Variants in ACOXL observed in about 807,000 individuals in gnomAD.
The protein encoded by ACOXL is acyl-coenzyme A oxidase-like protein.
Under a neutral mutation model 71.9 loss-of-function variants are expected in ACOXL, and 70 were observed. The ratio of observed to expected loss-of-function variants is 0.97; its 90% CI spans 0.80 to 1.19. ACOXL has a LOEUF of 1.19. Among genes scored for constraint, ACOXL ranks in the 50% most tolerant of loss-of-function variants. ACOXL has a pLI of 0.00. For synonymous variants in ACOXL, 253 were observed against 281.6 expected, an observed-to-expected ratio of 0.90 and a Z score of 1.02; for missense variants, 703 against 736.3, an observed-to-expected ratio of 0.95 and a Z score of 0.52.
At chr2:110,851,830 G>A (rs1005790492) in intron 10 of ACOXL, among the ~76,000 whole-genome samples, 4 of 152,188 alleles carry the variant, frequency 2.6e-5, no homozygotes, top group Admixed American at 1.3e-4. Context: ...CCAGAGATCC[G>A]GGAAATGGGG....
chr2:110,765,709 G>T (rs1680964291), intron 1 of ACOXL, among the ~76,000 whole-genome samples: 1 of 152,180 alleles, frequency 6.6e-6, no homozygotes, highest in Admixed American at 6.5e-5. Context: ...GAAGGAGCAA[G>T]GCAGGTCTCT....
chr2:111,109,068 G>A (rs1243129233), intron 17 of ACOXL, among the ~76,000 whole-genome samples: 1 of 152,120 alleles, frequency 6.6e-6, no homozygotes, highest in Non-Finnish European at 1.5e-5. Context: ...CCAGGAACTG[G>A]CCTTGTTACC....
At chr2:110,887,782 G>A (rs1401024186) in intron 10 of ACOXL, 2 of 152,160 alleles carry the variant, frequency 1.3e-5, no homozygotes, top group Non-Finnish European at 1.5e-5. Flanking sequence ...TTACCCTAAA[G>A]TGTGTGTTGC....
chr2:110,801,839 AC>A lies in ACOXL; in HGVS notation c.620+118del. 7.4e-6 allele frequency: 6 copies of A among 813,320 alleles called. No homozygotes were observed. In the South Asian group the frequency reaches 7.8e-5, roughly 11 times the overall value. 50.4% of individuals were successfully genotyped at this position (813,320 alleles called of 1,614,324 possible). A position where few individuals can be genotyped will look rare whatever the true frequency, so the allele number is the denominator to read the frequency against. ...ATGTCTGGGCATTCTTCCCCTAACCACCCGTACAGGTTTGTTGACAACTAAT... is the reference window on the plus strand; with the variant it reads ...ATGTCTGGGCATTCTTCCCCTAACCACCGTACAGGTTTGTTGACAACTAAT... On this transcript the variant is annotated intron_variant, in intron 8 of 17. Coordinates refer to ENST00000439055, the MANE Select transcript of ACOXL (RefSeq NM_001142807.4).
intron 12 of ACOXL, among the ~76,000 whole-genome samples, chr2:110,967,266 C>T (rs1243870103): frequency 1.3e-5 from 2 of 151,980 alleles, no homozygotes; most frequent in Admixed American, 1.3e-4. Context: ...TGCAGTCTGA[C>T]CCCAATAATA....
chr2:110,910,527 C>T (rs983620434), intron 11 of ACOXL, among the ~76,000 whole-genome samples: 1 of 152,124 alleles, frequency 6.6e-6, no homozygotes, highest in African/African-American at 2.4e-5. Context: ...TAAGAAATTG[C>T]CAGTTTTTCA....
intron 13 of ACOXL, 59 bp downstream of exon 13, chr2:110,987,276 T>C: frequency 6.9e-7 from 1 of 1,455,294 alleles, no homozygotes; most frequent in Non-Finnish European, 9.4e-7. Context: ...AAGCCTGAGT[T>C]CATACAGCCT....
chr2:111,005,140 A>G (rs368148844), intron 14 of ACOXL, among the ~76,000 whole-genome samples: 4 of 152,332 alleles, frequency 2.6e-5, no homozygotes, highest in Admixed American at 1.3e-4. Context: ...TTTCTCTCTC[A>G]TCACCTGTGG....
chr2:110,886,979 T>C, intron 10 of ACOXL: 1 of 1,107,178 alleles, frequency 9.0e-7, no homozygotes, highest in Non-Finnish European at 1.3e-6. Context: ...CCAAACTTTT[T>C]ATCTGAGAAT....
intron 14 of ACOXL, among the ~76,000 whole-genome samples, chr2:111,010,966 G>T (rs1053323859): frequency 6.6e-6 from 1 of 152,102 alleles, no homozygotes; most frequent in African/African-American, 2.4e-5. Flanking sequence ...CAAAATGAAA[G>T]TAAATGGAAA....
intron 11 of ACOXL, among the ~76,000 whole-genome samples, chr2:110,926,824 C>G (rs557272563): frequency 1.3e-5 from 2 of 152,238 alleles, no homozygotes; most frequent in South Asian, 2.1e-4. Context: ...CACTCTCTCC[C>G]CATTCAGCCT....
At chr2:110,993,096 A>G (rs2063245397) in intron 13 of ACOXL, among the ~76,000 whole-genome samples, 1 of 152,210 alleles carries the variant, frequency 6.6e-6, no homozygotes, top group Non-Finnish European at 1.5e-5. Flanking sequence ...GCACATTTCT[A>G]AATAATTTAG....
chr2:110,938,326 C>T (rs528675880), intron 12 of ACOXL, among the ~76,000 whole-genome samples: 5 of 152,238 alleles, frequency 3.3e-5, no homozygotes, highest in Admixed American at 3.3e-4. Flanking sequence ...GGAACCAGAC[C>T]TAGAGAAGGC....
At chr2:111,001,927 A>G (rs2063653180) in intron 14 of ACOXL, among the ~76,000 whole-genome samples, 1 of 152,218 alleles carries the variant, frequency 6.6e-6, no homozygotes, top group South Asian at 2.1e-4. Context: ...CCAAGCTCCA[A>G]GACAGTCTTC....
intron 10 of ACOXL, among the ~76,000 whole-genome samples, chr2:110,857,604 T>C (rs1484848639): frequency 6.6e-6 from 1 of 152,250 alleles, no homozygotes; most frequent in African/African-American, 2.4e-5. Flanking sequence ...CCCTATTATT[T>C]GTCTCTTAGT....
chr2:110,853,018 T>C (rs1048501763), intron 10 of ACOXL, among the ~76,000 whole-genome samples: 6 of 152,222 alleles, frequency 3.9e-5, no homozygotes, highest in African/African-American at 1.4e-4. Context: ...GTCCATACAA[T>C]GTTCCTCCTC....
chr2:110,820,320 TAACTG>T (rs767291050), intron 9 of ACOXL, among the ~76,000 whole-genome samples: 24 of 151,996 alleles, frequency 1.6e-4, no homozygotes, highest in Non-Finnish European at 2.6e-4. Flanking sequence ...GAGAGGAAGT[TAACTG>T]AAGAGAAGGT....
At chr2:110,895,104 C>A (rs1442343064) in intron 10 of ACOXL, among the ~76,000 whole-genome samples, 1 of 152,018 alleles carries the variant, frequency 6.6e-6, no homozygotes, top group South Asian at 2.1e-4. Flanking sequence ...GTTAGAGTAA[C>A]CTGAAAAATA....
rs1685572411 is a variant in ACOXL, at chr2:110,798,656, T to C, written c.392T>C (p.Ile131Thr). 1.2e-6 allele frequency: 2 copies of C among 1,614,034 alleles called. No individual in the cohort carries two copies. Among genetic ancestry groups the C allele is most frequent in the African/African-American group, 1.3e-5 (1 of 74,898 alleles). Residue 131 changes from isoleucine (I) to threonine (T), a missense_variant, in exon 6 of 18, where the codon ATT (isoleucine) becomes ACT (threonine). By Grantham distance (89) the Ile-to-Thr change is moderately conservative (BLOSUM62 -1). Coordinates refer to ENST00000439055, the MANE Select transcript of ACOXL (RefSeq NM_001142807.4). ...TGTGAAAATGCGGAGAAGATGTATA[T>C]TGGAAATGCCATGTACGGGAATTAT... The part of the protein sequence containing the change: ...TPCENAEKMY[I>T]GNAMYGNYAA...
Sources: gnomAD v4.1 joint callset for allele counts (sites outside exome capture counted in the v4.1 genomes callset) on GRCh38, gnomAD v4.1.1 for gene constraint, MANE v1.5 for transcripts, NCBI Gene and HGNC (gene_info 2026-07-23, HGNC 2026-07-21) for gene names.